TRAK1: variants seen among roughly 807,000 people sequenced by gnomAD.
The protein encoded by TRAK1 is trafficking kinesin-binding protein 1.
Under a neutral mutation model 92.1 loss-of-function variants are expected in TRAK1, and 33 were observed. The ratio of observed to expected loss-of-function variants is 0.36; its 90% CI spans 0.27 to 0.48. The LOEUF is 0.48. Among genes scored for constraint, TRAK1 ranks in the 20% least tolerant of loss-of-function variants. The pLI is 0.99. For missense variants in TRAK1, 1,123 were observed against 1,257.9 expected, an observed-to-expected ratio of 0.89 and a Z score of 1.62; for synonymous variants, 521 against 517.3, an observed-to-expected ratio of 1.01 and a Z score of -0.10.
At chr3:42,030,502 A>G (rs879815567) in intron 1 of TRAK1, among the ~76,000 whole-genome samples, 1 of 150,086 alleles carries the variant, frequency 6.7e-6, no homozygotes. Context: ...ATGAAACCCC[A>G]TCTCTACTAA....
At position 42,035,064 on chromosome 3, in the gene TRAK1, C is replaced by T. The variant is rs138215260; in HGVS notation, c.-519+20947C>T. Among the ~76,000 whole-genome samples the T allele has an allele frequency of 2.0e-5, 3 of 152,302 alleles. No homozygotes were observed. The East Asian group carries it at 5.8e-4, about 29-fold the overall frequency. ...TTTCTCCTTTCCCTGACCTTCTTGCCATCAGACATCTGAGCCTGTTATTCG... is the reference window on the plus strand; with the variant it reads ...TTTCTCCTTTCCCTGACCTTCTTGCTATCAGACATCTGAGCCTGTTATTCG... On this transcript the variant is annotated intron_variant, in intron 1 of 16. Coordinates refer to the TRAK1 transcript ENST00000487159.
At chr3:42,062,427 G>T (rs1489108096) in intron 1 of TRAK1, among the ~76,000 whole-genome samples, 1 of 152,034 alleles carries the variant, frequency 6.6e-6, no homozygotes, top group African/African-American at 2.4e-5. Context: ...TATACTTTTA[G>T]CATTAAAAAA....
chr3:42,025,140 C>T lies in TRAK1; in HGVS notation c.-519+11023C>T, dbSNP rs114811410. Among the ~76,000 whole-genome samples the T allele has an allele frequency of 4.6e-3, 701 of 152,274 alleles. 3 individuals carry two copies. The highest frequency in any genetic ancestry group is 0.016 in the African/African-American group (674 of 41,558). On this transcript the variant is annotated intron_variant, in intron 1 of 16. Coordinates refer to the TRAK1 transcript ENST00000487159. Reference sequence around the variant, plus strand: ...TGTAAAAACCTAACTTCTTTGTTTACGTCCTCCCTGCCCCGCTTTCTGCTG... The same window carrying T: ...TGTAAAAACCTAACTTCTTTGTTTATGTCCTCCCTGCCCCGCTTTCTGCTG...
At chr3:42,140,863 G>T (rs751006716) in intron 2 of TRAK1, among the ~76,000 whole-genome samples, 1 of 152,184 alleles carries the variant, frequency 6.6e-6, no homozygotes, top group East Asian at 1.9e-4. Flanking sequence ...AGGGAGGAAA[G>T]CTCTGGAGTC....
intron 1 of TRAK1, among the ~76,000 whole-genome samples, chr3:42,017,583 G>C (rs1331186661): frequency 6.6e-6 from 1 of 152,186 alleles, no homozygotes; most frequent in East Asian, 1.9e-4. Flanking sequence ...GTGTTGAAAA[G>C]TGCAAATTTT....
At chr3:42,110,769 T>G (rs1708284095) in intron 1 of TRAK1, among the ~76,000 whole-genome samples, 1 of 152,130 alleles carries the variant, frequency 6.6e-6, no homozygotes, top group Non-Finnish European at 1.5e-5. Flanking sequence ...AAGCCCCAGG[T>G]CTCCCACAGG....
intron 1 of TRAK1, among the ~76,000 whole-genome samples, chr3:42,044,115 T>C (rs1454194886): frequency 6.6e-6 from 1 of 152,226 alleles, no homozygotes; most frequent in African/African-American, 2.4e-5. Flanking sequence ...TTTTCAGTTC[T>C]GCCTCAGTGT....
chr3:42,082,498 T>C (rs1704485045), upstream of TRAK1, among the ~76,000 whole-genome samples: 3 of 152,042 alleles, frequency 2.0e-5, no homozygotes, highest in Non-Finnish European at 2.9e-5. Context: ...CTTGGGAGAC[T>C]GAGGCAGAAT....
Position 42,102,416 on chromosome 3 carries a change from A to T in TRAK1, c.91+10856A>T, listed in dbSNP as rs1217505615. Reference sequence around the variant, plus strand: ...AATTTAATCTTTCTCATGGATTCAGAGTTATCTTTTGTGATATCTTCTGTT... The same window carrying T: ...AATTTAATCTTTCTCATGGATTCAGTGTTATCTTTTGTGATATCTTCTGTT... On this transcript the variant is annotated intron_variant, in intron 1 of 15. Transcript: ENST00000327628. Among the ~76,000 whole-genome samples the T allele has an allele frequency of 3.3e-5, 5 of 152,200 alleles. No individual in the cohort carries two copies. In the East Asian group the frequency reaches 9.6e-4, roughly 29 times the overall value.
intron 6 of TRAK1, 38 bp from the exon 7 acceptor site, chr3:42,191,520 T>G: frequency 3.3e-4 from 513 of 1,550,758 alleles, no homozygotes; most frequent in Non-Finnish European, 4.3e-4. Flanking sequence ...CCAGGCCAGG[T>G]GAGAATGTGG....
At chr3:42,118,986 G>GTGTC (rs1487767612) in intron 1 of TRAK1, among the ~76,000 whole-genome samples, 5 of 152,196 alleles carry the variant, frequency 3.3e-5, no homozygotes, top group African/African-American at 1.2e-4. Context: ...GGCTGGGCAT[G>GTGTC]TGTCTGTCCT....
At chr3:42,084,814 T>C (rs997049798), upstream of TRAK1, among the ~76,000 whole-genome samples, 19 of 151,626 alleles carry the variant, frequency 1.3e-4, no homozygotes, top group African/African-American at 4.4e-4. Flanking sequence ...TTTTTTTTTT[T>C]CCTTATGCCA....
chr3:42,111,938 A>C (rs1221083971), intron 1 of TRAK1, among the ~76,000 whole-genome samples: 1 of 148,534 alleles, frequency 6.7e-6, no homozygotes, highest in African/African-American at 2.5e-5. Context: ...TTTCAAATCT[A>C]GAAAAGAGTT....
intron 2 of TRAK1, among the ~76,000 whole-genome samples, chr3:42,139,764 A>G (rs551184123): frequency 6.6e-6 from 1 of 152,340 alleles, no homozygotes; most frequent in Admixed American, 6.5e-5. Flanking sequence ...AGCATATCTA[A>G]GACAAAGCTG....
At chr3:42,194,108 C>G (rs1014180211) in intron 9 of TRAK1, among the ~76,000 whole-genome samples, 6 of 152,202 alleles carry the variant, frequency 3.9e-5, no homozygotes, top group African/African-American at 1.2e-4. Flanking sequence ...TGGCAGGGCT[C>G]TACACCAGCT....
At chr3:42,074,264 A>G (rs1322515053) in intron 1 of TRAK1, among the ~76,000 whole-genome samples, 2 of 152,220 alleles carry the variant, frequency 1.3e-5, no homozygotes, top group Non-Finnish European at 2.9e-5. Context: ...AAACAGGGTC[A>G]TGCATGTTAA....
intron 1 of TRAK1, among the ~76,000 whole-genome samples, chr3:42,020,499 G>T (rs903594953): frequency 9.9e-5 from 15 of 152,180 alleles, no homozygotes; most frequent in African/African-American, 3.6e-4. Context: ...TTTTAGTGTG[G>T]GATGGTATTC....
At chr3:42,199,959 C>T (rs1707286994) in intron 11 of TRAK1, among the ~76,000 whole-genome samples, 1 of 152,182 alleles carries the variant, frequency 6.6e-6, no homozygotes, top group Non-Finnish European at 1.5e-5. Flanking sequence ...GAGGGGTCTT[C>T]AAAGATTTTG....
chr3:42,193,274 C>T (rs1055132580), intron 8 of TRAK1, 69 bp downstream of exon 8: 40 of 1,583,888 alleles, frequency 2.5e-5, no homozygotes, highest in Non-Finnish European at 3.3e-5. Context: ...GACATTTACT[C>T]CAGAAGACAG....
Sources: gnomAD v4.1 joint callset for allele counts (sites outside exome capture counted in the v4.1 genomes callset) on GRCh38, gnomAD v4.1.1 for gene constraint, MANE v1.5 for transcripts, NCBI Gene and HGNC (gene_info 2026-07-23, HGNC 2026-07-21) for gene names.